PTPRK: variants seen among roughly 807,000 people sequenced by gnomAD.
The protein encoded by PTPRK is receptor-type tyrosine-protein phosphatase kappa.
A neutral mutation model predicts 178.0 loss-of-function variants in PTPRK; 75 were observed. The ratio of observed to expected loss-of-function variants is 0.42; its 90% CI spans 0.35 to 0.51. The LOEUF is 0.51. PTPRK is among the 20% of genes least tolerant of loss of function. PTPRK has a pLI of 0.02. For synonymous variants in PTPRK, 637 were observed against 620.6 expected, an observed-to-expected ratio of 1.03 and a Z score of -0.39; for missense variants, 1,441 against 1,797.8, an observed-to-expected ratio of 0.80 and a Z score of 3.59.
At chr6:128,090,933 AT>A (rs1161374707) in intron 7 of PTPRK, among the ~76,000 whole-genome samples, 5 of 152,246 alleles carry the variant, frequency 3.3e-5, no homozygotes, top group Non-Finnish European at 5.9e-5. Flanking sequence ...AGATAGTCAA[AT>A]TCTTGCTAAA....
At chr6:128,250,557 C>T (rs1307409084) in intron 3 of PTPRK, among the ~76,000 whole-genome samples, 2 of 152,138 alleles carry the variant, frequency 1.3e-5, no homozygotes, top group Admixed American at 6.5e-5. Flanking sequence ...AGACATTTAG[C>T]TCATTTTTGC....
At chr6:128,281,089 AC>A (rs1821595837) in intron 3 of PTPRK, among the ~76,000 whole-genome samples, 1 of 152,180 alleles carries the variant, frequency 6.6e-6, no homozygotes, top group African/African-American at 2.4e-5. Context: ...CAAAGCAGTA[AC>A]TATTTCTCTA....
intron 1 of PTPRK, among the ~76,000 whole-genome samples, chr6:128,459,125 C>T (rs1848728453): frequency 6.6e-6 from 1 of 152,076 alleles, no homozygotes; most frequent in African/African-American, 2.4e-5. Context: ...TTGGCAGGCT[C>T]CTCATTTGGA....
intron 1 of PTPRK, among the ~76,000 whole-genome samples, chr6:128,484,099 C>T (rs1320604028): frequency 6.6e-6 from 1 of 152,002 alleles, no homozygotes; most frequent in African/African-American, 2.4e-5. Flanking sequence ...ACTGGTAAAT[C>T]CTAGATAGAC....
rs1461415366 is a variant in PTPRK, at chr6:128,089,904, A to G, written c.1251T>C (p.Ile417=). The change falls in exon 8 of 30, where the codon ATT becomes ATC. Residue 417 remains isoleucine (I), a synonymous_variant. Coordinates refer to ENST00000368226, the MANE Select transcript of PTPRK (RefSeq NM_002844.4). Reference sequence around the variant, plus strand: ...TGACATTAAAAGTGTGGCAACGCGTAATGTTGTAACCCAAGGATTCCCAGT... The same window carrying G: ...TGACATTAAAAGTGTGGCAACGCGTGATGTTGTAACCCAAGGATTCCCAGT... The part of the protein sequence containing the change: ...AVDWESLGYN[I]TRCHTFNVTI... 1.2e-6 allele frequency: 2 copies of G among 1,612,754 alleles called. No individual in the cohort carries two copies. Among genetic ancestry groups the G allele is most frequent in the Non-Finnish European group, 1.7e-6 (2 of 1,178,732 alleles).
chr6:128,340,329 T>G (rs1232035115), intron 2 of PTPRK, among the ~76,000 whole-genome samples: 4 of 152,192 alleles, frequency 2.6e-5, no homozygotes, highest in Non-Finnish European at 5.9e-5. Flanking sequence ...CTTCAAGACT[T>G]TCTCTGTTGA....
intron 1 of PTPRK, among the ~76,000 whole-genome samples, chr6:128,511,272 T>A (rs910911758): frequency 3.3e-5 from 5 of 152,154 alleles, no homozygotes; most frequent in African/African-American, 7.2e-5. Context: ...CAGAGAACAA[T>A]CTGATCCTAC....
At chr6:128,471,294 C>T (rs1053552658) in intron 1 of PTPRK, among the ~76,000 whole-genome samples, 11 of 151,988 alleles carry the variant, frequency 7.2e-5, no homozygotes, top group African/African-American at 2.7e-4. Flanking sequence ...ATTCTTTTTA[C>T]ATTTTACTCA....
At chr6:128,308,618 G>A (rs1826794104) in intron 3 of PTPRK, among the ~76,000 whole-genome samples, 1 of 152,046 alleles carries the variant, frequency 6.6e-6, no homozygotes, top group Non-Finnish European at 1.5e-5. Flanking sequence ...TAAGGACTTG[G>A]GAAAAGTCAG....
chr6:128,037,601 T>C (rs1776441190), intron 13 of PTPRK, among the ~76,000 whole-genome samples: 1 of 152,216 alleles, frequency 6.6e-6, no homozygotes. Flanking sequence ...AATTTTACTA[T>C]GTATTTATTT....
intron 3 of PTPRK, among the ~76,000 whole-genome samples, chr6:128,271,907 A>G (rs2128297808): frequency 6.6e-6 from 1 of 152,026 alleles, no homozygotes; most frequent in African/African-American, 2.4e-5. Context: ...CAAGAAAATT[A>G]AAAGAATTAT....
intron 3 of PTPRK, among the ~76,000 whole-genome samples, chr6:128,299,483 T>C (rs1027704813): frequency 1.3e-5 from 2 of 151,926 alleles, no homozygotes; most frequent in African/African-American, 4.8e-5. Context: ...ACTACAAGGC[T>C]ACAGTAACCA....
In PTPRK at chr6:127,985,633, A is replaced by G; in HGVS notation, c.3251+88T>C. The G allele has an allele frequency of 4.4e-6, 6 of 1,370,976 alleles. No homozygotes were observed. The South Asian group carries it at 9.5e-5, about 22-fold the overall frequency. 84.9% of individuals were successfully genotyped at this position (1,370,976 alleles called of 1,614,324 possible). On this transcript the variant is annotated intron_variant, in intron 22 of 29. Coordinates refer to ENST00000368226, the MANE Select transcript of PTPRK (RefSeq NM_002844.4). ...AAGCAAGCTGGAACTTCGTAAGCAC[A>G]CATTAGTTTTTGTGCTCAAAAGCCT...
intron 7 of PTPRK, among the ~76,000 whole-genome samples, chr6:128,094,836 T>C (rs978191497): frequency 6.0e-5 from 9 of 150,806 alleles, no homozygotes; most frequent in African/African-American, 2.0e-4. Flanking sequence ...GAGAAGGTAA[T>C]AGATAAGGAT....
At chr6:128,266,778 A>G (rs1037662892) in intron 3 of PTPRK, among the ~76,000 whole-genome samples, 1 of 152,088 alleles carries the variant, frequency 6.6e-6, no homozygotes, top group Admixed American at 6.6e-5. Context: ...TTCAACTCGG[A>G]AGTTTTTGTG....
At chr6:128,447,565 A>G (rs1462351872) in intron 1 of PTPRK, among the ~76,000 whole-genome samples, 1 of 151,954 alleles carries the variant, frequency 6.6e-6, no homozygotes, top group Non-Finnish European at 1.5e-5. Flanking sequence ...TTAATCTATT[A>G]TGAGTGCTTA....
In PTPRK at chr6:128,192,950, G is replaced by A. The variant is rs574868424; in HGVS notation, c.869-8225C>T. Among the ~76,000 whole-genome samples, 9 of 147,820 alleles carry A rather than the reference G, an allele frequency of 6.1e-5. No individual in the cohort carries two copies. In the South Asian group the frequency reaches 2.0e-3, roughly 33 times the overall value. On this transcript the variant is annotated intron_variant, in intron 6 of 29. Transcript: ENST00000368226. The stretch of plus-strand genomic sequence containing the variant: ...GGAGAGGGGGAAGGAGGGAAGGAGG[G>A]AAGGAAGGAAGGAAAAAACTACGTA...
intron 1 of PTPRK, among the ~76,000 whole-genome samples, chr6:128,453,231 T>C (rs557415327): frequency 6.6e-6 from 1 of 152,238 alleles, no homozygotes; most frequent in East Asian, 1.9e-4. Flanking sequence ...AATAGACAAA[T>C]CTACAGGGGG....
chr6:128,393,176 C>T, intron 2 of PTPRK, among the ~76,000 whole-genome samples: 1 of 151,230 alleles, frequency 6.6e-6, no homozygotes, highest in East Asian at 1.9e-4. Flanking sequence ...ACTGCAACCT[C>T]CGCCTCCCAG....
Sources: gnomAD v4.1 joint callset for allele counts (sites outside exome capture counted in the v4.1 genomes callset) on GRCh38, gnomAD v4.1.1 for gene constraint, MANE v1.5 for transcripts, NCBI Gene and HGNC (gene_info 2026-07-23, HGNC 2026-07-21) for gene names.